Variants in ERBB4 observed in about 807,000 individuals in gnomAD.
ERBB4 encodes receptor tyrosine-protein kinase erbB-4.
A neutral mutation model predicts 158.0 loss-of-function variants in ERBB4; 42 were observed. That is an observed-to-expected ratio of 0.27 (90% CI 0.21 to 0.34). The LOEUF (loss-of-function observed/expected upper bound fraction) is 0.34, where lower values mean the gene tolerates loss of function less well. ERBB4 is among the 10% of genes least tolerant of loss of function. ERBB4 has a pLI of 1.00. For missense variants in ERBB4, 1,333 were observed against 1,624.1 expected, an observed-to-expected ratio of 0.82 and a Z score of 3.08; for synonymous variants, 583 against 558.7, an observed-to-expected ratio of 1.04 and a Z score of -0.61.
chr2:211,847,491 T>C (rs2077618019), intron 3 of ERBB4, among the ~76,000 whole-genome samples: 1 of 152,132 alleles, frequency 6.6e-6, no homozygotes, highest in African/African-American at 2.4e-5. Context: ...CTGTAAGTTA[T>C]CTATAAAGGC....
intron 1 of ERBB4, among the ~76,000 whole-genome samples, chr2:212,373,840 C>CAT (rs2090184545): frequency 2.7e-5 from 2 of 73,822 alleles, no homozygotes; most frequent in African/African-American, 1.3e-4. Flanking sequence ...TATATATATC[C>CAT]ATGTATATAT....
chr2:212,518,129 GATCT>G (rs1691944926), intron 1 of ERBB4, among the ~76,000 whole-genome samples: 1 of 151,926 alleles, frequency 6.6e-6, no homozygotes, highest in Non-Finnish European at 1.5e-5. Flanking sequence ...AATGTCAATA[GATCT>G]ATTTAATTTG....
chr2:211,717,877 T>C (rs897464153), intron 7 of ERBB4, among the ~76,000 whole-genome samples: 11 of 152,126 alleles, frequency 7.2e-5, no homozygotes, highest in African/African-American at 2.7e-4. Flanking sequence ...ATCTCTTCGA[T>C]TGTTATAATG....
At chr2:211,822,096 T>A (rs1400696996) in intron 3 of ERBB4, among the ~76,000 whole-genome samples, 1 of 151,844 alleles carries the variant, frequency 6.6e-6, no homozygotes. Flanking sequence ...CTAAAAAAAT[T>A]TGATCTCTTA....
intron 16 of ERBB4, among the ~76,000 whole-genome samples, chr2:211,640,122 T>C (rs1303595660): frequency 6.6e-6 from 1 of 152,192 alleles, no homozygotes; most frequent in Non-Finnish European, 1.5e-5. Flanking sequence ...AACTATACTT[T>C]AGATTCCCCA....
At chr2:212,532,264 G>T (rs960122782) in intron 1 of ERBB4, among the ~76,000 whole-genome samples, 2 of 152,108 alleles carry the variant, frequency 1.3e-5, no homozygotes, top group African/African-American at 2.4e-5. Context: ...TTCTAGTGCC[G>T]GACTTCTATG....
chr2:212,250,643 A>T (rs996065887), intron 1 of ERBB4, among the ~76,000 whole-genome samples: 21 of 151,966 alleles, frequency 1.4e-4, no homozygotes, highest in African/African-American at 4.8e-4. Flanking sequence ...ATTCAATCTA[A>T]ATTCATGCAT....
At chr2:212,042,571 C>T (rs533824734) in intron 2 of ERBB4, among the ~76,000 whole-genome samples, 2 of 152,144 alleles carry the variant, frequency 1.3e-5, no homozygotes, top group South Asian at 2.1e-4. Flanking sequence ...TATCAAAAAC[C>T]TATCCTTCAA....
At chr2:212,173,160 C>G (rs781603658) in intron 1 of ERBB4, among the ~76,000 whole-genome samples, 1 of 151,648 alleles carries the variant, frequency 6.6e-6, no homozygotes, top group Non-Finnish European at 1.5e-5. Flanking sequence ...GTTCTGTATG[C>G]CAGTGAAACC....
chr2:212,223,149 A>G (rs1158703461), intron 1 of ERBB4, among the ~76,000 whole-genome samples: 1 of 151,384 alleles, frequency 6.6e-6, no homozygotes, highest in Non-Finnish European at 1.5e-5. Flanking sequence ...CTGAAAATCT[A>G]ATTTAACTAG....
intron 2 of ERBB4, among the ~76,000 whole-genome samples, chr2:212,039,348 T>G (rs1220755922): frequency 6.6e-6 from 1 of 152,158 alleles, no homozygotes; most frequent in Non-Finnish European, 1.5e-5. Context: ...AGTTTCCTTT[T>G]TATATATGGT....
chr2:212,156,044 AG>A (rs2081026352), intron 1 of ERBB4, among the ~76,000 whole-genome samples: 1 of 152,106 alleles, frequency 6.6e-6, no homozygotes, highest in Non-Finnish European at 1.5e-5. Flanking sequence ...TCACCAGACA[AG>A]CATAAGGGTC....
chr2:212,040,171 G>C (rs2077104900), intron 2 of ERBB4, among the ~76,000 whole-genome samples: 1 of 141,772 alleles, frequency 7.1e-6, no homozygotes, highest in South Asian at 2.2e-4. Flanking sequence ...TTTAAAGTTG[G>C]AAGTACCTAG....
rs369552214 is a variant in ERBB4, at chr2:212,320,803, G to A, written c.83-195900C>T. 5.9e-4 allele frequency among the ~76,000 whole-genome samples: 88 copies of A among 150,262 alleles called. 1 individual carries two copies. The highest frequency in any genetic ancestry group is 2.1e-3 in the African/African-American group (85 of 41,332). On this transcript the variant is annotated intron_variant, in intron 1 of 27. Coordinates refer to ENST00000342788, the MANE Select transcript of ERBB4 (RefSeq NM_005235.3). ...ATTACTTGCCCTATATAACCTCCCCGTGTTGTTGTGAGAATCAAATGAAAC... is the reference window on the plus strand; with the variant it reads ...ATTACTTGCCCTATATAACCTCCCCATGTTGTTGTGAGAATCAAATGAAAC...
intron 15 of ERBB4, chr2:211,658,050 A>C (rs2105900766): frequency 1.6e-6 from 2 of 1,230,456 alleles, no homozygotes; most frequent in Middle Eastern, 1.9e-4. Flanking sequence ...TCATTTAAAA[A>C]ATCAGTAAAA....
At chr2:211,986,259 G>A (rs529224550) in intron 2 of ERBB4, among the ~76,000 whole-genome samples, 3 of 152,150 alleles carry the variant, frequency 2.0e-5, no homozygotes, top group Non-Finnish European at 2.9e-5. Context: ...TGAGAGAAAA[G>A]AAATTTCTAT....
At chr2:211,921,052 A>C (rs934488783) in intron 3 of ERBB4, among the ~76,000 whole-genome samples, 2 of 152,020 alleles carry the variant, frequency 1.3e-5, no homozygotes, top group African/African-American at 2.4e-5. Context: ...TTTTATCTGT[A>C]TAACACTGGA....
intron 6 of ERBB4, among the ~76,000 whole-genome samples, chr2:211,723,428 G>A (rs56005945): frequency 0.097 from 14,693 of 152,074 alleles, 1,291 homozygotes; most frequent in African/African-American, 0.23. Context: ...AAGCTAATAC[G>A]AACTCAAGCT....
chr2:211,675,300 A>C (rs897589449), intron 13 of ERBB4, among the ~76,000 whole-genome samples: 7 of 152,330 alleles, frequency 4.6e-5, no homozygotes, highest in African/African-American at 1.2e-4. Context: ...TCAAGAGTGA[A>C]TACTCTGGGA....
Sources: gnomAD v4.1 joint callset for allele counts (sites outside exome capture counted in the v4.1 genomes callset) on GRCh38, gnomAD v4.1.1 for gene constraint, MANE v1.5 for transcripts, NCBI Gene and HGNC (gene_info 2026-07-23, HGNC 2026-07-21) for gene names.